RNF126: variants seen among roughly 807,000 people sequenced by gnomAD.
RNF126 encodes ring finger protein 126.
A neutral mutation model predicts 41.9 loss-of-function variants in RNF126; 20 were observed. The observed-to-expected ratio is 0.48, with a 90% CI of 0.34 to 0.69. The LOEUF (loss-of-function observed/expected upper bound fraction) is 0.69. Ranked by LOEUF, RNF126 falls within the 30% of genes least tolerant of loss-of-function variation. RNF126 has a pLI of 0.01. For missense variants in RNF126, 433 were observed against 460.6 expected (o/e 0.94, Z 0.55); for synonymous variants, 239 against 202.9 (o/e 1.18, Z -1.51).
chr19:663,201 A>ACGCGCC lies in RNF126; in HGVS notation c.-86_-81dup, dbSNP rs2030889713. The ACGCGCC allele has an allele frequency of 2.0e-6, 1 of 498,954 alleles. No homozygotes were observed. The highest frequency in any genetic ancestry group is 8.6e-5 in the South Asian group (1 of 11,664). The allele number at this position is 498,954 out of a possible 1,614,324, so 30.9% of individuals were successfully genotyped here. A position where few individuals can be genotyped will look rare whatever the true frequency, so the allele number is the denominator to read the frequency against. On this transcript the variant is annotated 5_prime_UTR_variant, in exon 1 of 9. Coordinates refer to ENST00000292363, the MANE Select transcript of RNF126 (RefSeq NM_194460.3). ...CCGTTTGCTGCTCCCTCGCCGGCCG[A>ACGCGCC]CGCGCCCGCGCACGCTCACGCACGG...
chr19:650,583 ACTT>A (rs1409319445), intron 4 of RNF126: 3 of 126,902 alleles, frequency 2.4e-5, no homozygotes, highest in Non-Finnish European at 2.8e-5. Context: ...ACTCTCGGCT[ACTT>A]TTTTTTTTTT....
intron 1 of RNF126, among the ~76,000 whole-genome samples, chr19:658,498 T>C (rs2030659560): frequency 6.6e-6 from 1 of 151,960 alleles, no homozygotes; most frequent in South Asian, 2.1e-4. Flanking sequence ...GCCCCCGTGC[T>C]GGCTACTGTT....
chr19:652,800 G>A, intron 2 of RNF126, 26 bp downstream of exon 2: 2 of 1,610,044 alleles, frequency 1.2e-6, no homozygotes, highest in African/African-American at 1.3e-5. Flanking sequence ...GGCTCTTCCA[G>A]CCTCTTCAAC....
chr19:653,035 AG>A, intron 1 of RNF126, 151 bp from the exon 2 acceptor site: 1 of 689,318 alleles, frequency 1.5e-6, no homozygotes, highest in East Asian at 2.7e-5. Context: ...TGGGTCCTGG[AG>A]GGCGGCCGAG....
chr19:660,679 G>T (rs189159238), intron 1 of RNF126, among the ~76,000 whole-genome samples: 1 of 152,158 alleles, frequency 6.6e-6, no homozygotes, highest in Non-Finnish European at 1.5e-5. Flanking sequence ...ACCCAGGCTG[G>T]AGTGCACTGG....
intron 1 of RNF126, among the ~76,000 whole-genome samples, chr19:658,017 C>T (rs974690896): frequency 6.6e-6 from 1 of 151,976 alleles, no homozygotes; most frequent in Admixed American, 6.6e-5. Context: ...GGGGGCAGCA[C>T]GCACTGGGGG....
intron 2 of RNF126, 42 bp from the exon 3 acceptor site, chr19:652,338 C>T (rs766787404): frequency 8.2e-5 from 122 of 1,486,814 alleles, no homozygotes; most frequent in Non-Finnish European, 1.0e-4. Flanking sequence ...CTACCCTGTG[C>T]CCCCATGCGC....
At chr19:660,306 G>A (rs183405749) in intron 1 of RNF126, among the ~76,000 whole-genome samples, 3 of 152,368 alleles carry the variant, frequency 2.0e-5, no homozygotes, top group African/African-American at 7.2e-5. Context: ...ACCCAGCTGC[G>A]CGGGGCCTCA....
chr19:651,970 G>C (rs975604096), intron 3 of RNF126, 115 bp from the exon 4 acceptor site: 2 of 952,522 alleles, frequency 2.1e-6, no homozygotes, highest in African/African-American at 1.7e-5. Flanking sequence ...GTGCCGGGTG[G>C]GAGGGAGACG....
Position 650,351 on chromosome 19 carries a change from G to A in RNF126, c.444-55C>T, listed in dbSNP as rs370130248. 600 of 1,475,690 alleles carry A rather than the reference G, an allele frequency of 4.1e-4. 1 individual carries two copies. The highest frequency in any genetic ancestry group is 1.1e-3 in the Admixed American group (55 of 49,604). 91.4% of individuals were successfully genotyped at this position (1,475,690 alleles called of 1,614,324 possible). A position where few individuals can be genotyped will look rare whatever the true frequency, so the allele number is the denominator to read the frequency against. The stretch of plus-strand genomic sequence containing the variant: ...AGGCCGCCCCACGCACAGGAGAGGC[G>A]CCAGGCCTGCCAGGTCCGTGGTGAG... On this transcript the variant is annotated intron_variant, in intron 4 of 8. Coordinates refer to ENST00000292363, the MANE Select transcript of RNF126 (RefSeq NM_194460.3).
rs199971166 is a variant in RNF126, at chr19:648,325, G to T, written c.786+47C>A. 18 of 1,529,542 alleles carry T rather than the reference G, an allele frequency of 1.2e-5. No individual in the cohort carries two copies. In the Admixed American group the frequency reaches 2.8e-4, roughly 24 times the overall value. The allele number at this position is 1,529,542 out of a possible 1,614,324, so 94.7% of individuals were successfully genotyped here. On this transcript the variant is annotated intron_variant, in intron 8 of 8. Transcript: ENST00000292363. ...ACGGGAGAAGGGGCAGGTTAGAGGCGGGAGGGCCGCGGTCGGGGTGGGGGG... is the reference window on the plus strand; with the variant it reads ...ACGGGAGAAGGGGCAGGTTAGAGGCTGGAGGGCCGCGGTCGGGGTGGGGGG...
At chr19:655,903 CTT>C (rs1161055210) in intron 1 of RNF126, among the ~76,000 whole-genome samples, 2 of 151,972 alleles carry the variant, frequency 1.3e-5, no homozygotes, top group Non-Finnish European at 2.9e-5. Flanking sequence ...GGGATTGCAT[CTT>C]GAGGACATCA....
At chr19:649,562 G>T in intron 6 of RNF126, 117 bp downstream of exon 6, 1 of 774,034 alleles carries the variant, frequency 1.3e-6, no homozygotes, top group Non-Finnish European at 2.1e-6. Flanking sequence ...TGGAGGCTGT[G>T]CCCGCATCCC....
chr19:660,188 G>A (rs890967341), intron 1 of RNF126, among the ~76,000 whole-genome samples: 8 of 152,232 alleles, frequency 5.3e-5, no homozygotes, highest in East Asian at 3.8e-4. Flanking sequence ...GCCAGGTGCC[G>A]GCCACTCTGC....
intron 1 of RNF126, among the ~76,000 whole-genome samples, chr19:654,348 C>A (rs898250022): frequency 6.6e-6 from 1 of 152,200 alleles, no homozygotes; most frequent in South Asian, 2.1e-4. Context: ...ATTCTCGGCA[C>A]GCTCCGCCAT....
At chr19:650,844 G>A (rs997170932) in intron 4 of RNF126, among the ~76,000 whole-genome samples, 1 of 151,922 alleles carries the variant, frequency 6.6e-6, no homozygotes, top group East Asian at 1.9e-4. Context: ...TGCCCGCCTC[G>A]GCCTCCCAAA....
chr19:655,965 A>T (rs879475475), intron 1 of RNF126, among the ~76,000 whole-genome samples: 9 of 151,928 alleles, frequency 5.9e-5, no homozygotes, highest in Non-Finnish European at 8.8e-5. Context: ...GTGTGATCCC[A>T]CGTCTATGAA....
At chr19:648,603 A>C (rs528261242) in intron 7 of RNF126, 116 bp from the exon 8 acceptor site, 2 of 834,834 alleles carry the variant, frequency 2.4e-6, no homozygotes, top group East Asian at 2.7e-5. Flanking sequence ...GAGGGGAGAA[A>C]AGCCGTGTGT....
chr19:662,577 G>C (rs996590479), intron 1 of RNF126, among the ~76,000 whole-genome samples: 2 of 152,122 alleles, frequency 1.3e-5, no homozygotes, highest in African/African-American at 4.8e-5. Flanking sequence ...CCACGCGCTC[G>C]GCGGGGGTCC....
Sources: gnomAD v4.1 joint callset for allele counts (sites outside exome capture counted in the v4.1 genomes callset) on GRCh38, gnomAD v4.1.1 for gene constraint, MANE v1.5 for transcripts, NCBI Gene and HGNC (gene_info 2026-07-23, HGNC 2026-07-21) for gene names.